Variants in ERBIN observed in about 807,000 individuals in gnomAD.
The protein encoded by ERBIN is densin-180-like protein.
A neutral mutation model predicts 158.4 loss-of-function variants in ERBIN; 60 were observed. That is an observed-to-expected ratio of 0.38 (90% confidence interval 0.31 to 0.47). The LOEUF (loss-of-function observed/expected upper bound fraction) is 0.47, where lower values mean the gene tolerates loss of function less well. Among genes scored for constraint, ERBIN ranks in the 20% least tolerant of loss-of-function variants. The pLI, the probability that ERBIN is intolerant of heterozygous loss-of-function variation, is 0.99. For synonymous variants in ERBIN, 594 were observed against 557.2 expected, an observed-to-expected ratio of 1.07 and a Z score of -0.93; for missense variants, 1,610 against 1,648.0, an observed-to-expected ratio of 0.98 and a Z score of 0.40.
intron 1 of ERBIN, among the ~76,000 whole-genome samples, chr5:65,965,702 T>A (rs578109741): frequency 1.3e-5 from 2 of 152,126 alleles, no homozygotes; most frequent in Admixed American, 6.6e-5. Flanking sequence ...CCCATTCTTA[T>A]CAGATTTAAC....
chr5:66,076,600 A>G (rs1762006412), intron 24 of ERBIN, 192 bp downstream of exon 24: 2 of 606,596 alleles, frequency 3.3e-6, no homozygotes, highest in Admixed American at 3.5e-5. Flanking sequence ...ACCAAAAACT[A>G]TGAATGTTTA....
intron 1 of ERBIN, among the ~76,000 whole-genome samples, chr5:65,946,329 A>C (rs978097969): frequency 2.0e-5 from 3 of 152,110 alleles, no homozygotes; most frequent in African/African-American, 7.2e-5. Flanking sequence ...ACACCACTGC[A>C]CTCCAGCCTG....
chr5:65,976,615 A>T (rs1749898453), intron 1 of ERBIN, among the ~76,000 whole-genome samples: 1 of 151,168 alleles, frequency 6.6e-6, no homozygotes, highest in Non-Finnish European at 1.5e-5. Context: ...GTCAGCAGAT[A>T]AACAAGTGAA....
intron 1 of ERBIN, among the ~76,000 whole-genome samples, chr5:65,941,490 T>C (rs960809205): frequency 3.9e-5 from 6 of 152,124 alleles, no homozygotes; most frequent in African/African-American, 1.4e-4. Flanking sequence ...ACTTGGAGCA[T>C]CCTCAGATTT....
chr5:66,023,426 A>G, intron 9 of ERBIN, 62 bp downstream of exon 9: 1 of 998,618 alleles, frequency 1.0e-6, no homozygotes, highest in Non-Finnish European at 1.5e-6. Context: ...AGTTTTGTGA[A>G]TTGTACCTTT....
At chr5:65,933,501 C>G (rs1173168044) in intron 1 of ERBIN, among the ~76,000 whole-genome samples, 1 of 152,198 alleles carries the variant, frequency 6.6e-6, no homozygotes, top group African/African-American at 2.4e-5. Context: ...AGTGTCACAT[C>G]TCCTACATAC....
In ERBIN at chr5:66,031,389, A is replaced by G. The variant is rs185001545; in HGVS notation, c.1206+3046A>G. On this transcript the variant is annotated intron_variant, in intron 14 of 25. Coordinates refer to ENST00000284037, the MANE Select transcript of ERBIN (RefSeq NM_001253697.2). ...TTTGTGCCAGGCAATTTAAGGTGGG[A>G]ACAATATTTAGAAAGTTACTTTAAT... 2.0e-5 allele frequency among the ~76,000 whole-genome samples: 3 copies of G among 152,312 alleles called. No individual in the cohort carries two copies. In the East Asian group the frequency reaches 5.8e-4, roughly 29 times the overall value.
intron 1 of ERBIN, among the ~76,000 whole-genome samples, chr5:65,942,035 T>C (rs1745116342): frequency 6.6e-6 from 1 of 151,848 alleles, no homozygotes. Context: ...CCACTGCGTC[T>C]GGCCCTCTTT....
rs1561381146 is a variant in ERBIN, at chr5:66,018,546, T to TTATATAA, written c.534-2770_534-2769insATATATA. Among the ~76,000 whole-genome samples, 33 of 8,564 alleles carry TTATATAA rather than the reference T, an allele frequency of 3.9e-3. 4 individuals carry two copies. Among genetic ancestry groups the TTATATAA allele is most frequent in the Non-Finnish European group, 7.7e-3 (14 of 1,818 alleles). 5.6% of individuals were successfully genotyped at this position (8,564 alleles called of 152,430 possible). A position where few individuals can be genotyped will look rare whatever the true frequency, so the allele number is the denominator to read the frequency against. ...TATATATTATATTATATAATATATA[T>TTATATAA]TATATATTATATAATATATATTATA... On this transcript the variant is annotated intron_variant, in intron 7 of 25. Transcript: ENST00000284037.
At chr5:65,927,693 C>A (rs55700230) in intron 1 of ERBIN, among the ~76,000 whole-genome samples, 6,445 of 152,224 alleles carry the variant, frequency 0.042, 465 homozygotes, top group African/African-American at 0.15. Flanking sequence ...GTAGTATGGT[C>A]TTTACATTTT....
chr5:65,982,226 CAGG>C (rs1409914313), intron 1 of ERBIN, among the ~76,000 whole-genome samples: 1 of 152,176 alleles, frequency 6.6e-6, no homozygotes, highest in African/African-American at 2.4e-5. Flanking sequence ...GTGTACGTTA[CAGG>C]AGAAGAACCC....
At chr5:65,970,988 G>T (rs1374273213) in intron 1 of ERBIN, among the ~76,000 whole-genome samples, 1 of 152,068 alleles carries the variant, frequency 6.6e-6, no homozygotes, top group Non-Finnish European at 1.5e-5. Flanking sequence ...TTTTCTTTCT[G>T]ACATATTTGT....
intron 1 of ERBIN, among the ~76,000 whole-genome samples, chr5:65,946,413 C>T (rs1745753642): frequency 6.6e-6 from 1 of 152,098 alleles, no homozygotes; most frequent in Non-Finnish European, 1.5e-5. Context: ...TAGTACATGA[C>T]TTTTGGGATT....
In ERBIN at chr5:66,048,760, G is replaced by A. The variant is rs1446681821; in HGVS notation, c.1882G>A (p.Ala628Thr). Residue 628 changes from alanine to threonine, a missense_variant, in exon 19 of 26, where the codon GCA becomes ACA. Physicochemically the swap from Ala to Thr is moderately conservative, Grantham distance 58. Coordinates refer to ENST00000284037, the MANE Select transcript of ERBIN (RefSeq NM_001253697.2). Reference protein sequence around the residue: ...ETSINQPKVVALSNNKKDDTK... With the variant: ...ETSINQPKVVTLSNNKKDDTK... ...CTCTATTAACCAGCCAAAAGTCGTA[G>A]CACTTAGTAATAACAAAAAAGGTTA... 2 of 1,599,880 alleles carry A rather than the reference G, an allele frequency of 1.3e-6. No individual in the cohort carries two copies.
chr5:66,069,904 C>T (rs539421792), intron 21 of ERBIN, among the ~76,000 whole-genome samples: 1 of 152,166 alleles, frequency 6.6e-6, no homozygotes, highest in Non-Finnish European at 1.5e-5. Context: ...GGAGCAATCT[C>T]CTGGATTCTC....
intron 1 of ERBIN, among the ~76,000 whole-genome samples, chr5:65,950,128 C>G (rs978882753): frequency 2.0e-5 from 3 of 152,182 alleles, no homozygotes; most frequent in African/African-American, 7.2e-5. Context: ...GCCTCGGCCT[C>G]TTGAGTAGCT....
intron 1 of ERBIN, among the ~76,000 whole-genome samples, chr5:65,937,497 T>A (rs2150861723): frequency 6.6e-6 from 1 of 152,352 alleles, no homozygotes; most frequent in East Asian, 1.9e-4. Flanking sequence ...TTTATGATAC[T>A]ATGCTATTTT....
At chr5:65,940,917 CA>C (rs1413824133) in intron 1 of ERBIN, among the ~76,000 whole-genome samples, 2 of 152,108 alleles carry the variant, frequency 1.3e-5, no homozygotes, top group African/African-American at 4.8e-5. Flanking sequence ...GGATGGTTGC[CA>C]TGTCTGTGTA....
rs755750963 is a variant in ERBIN, at chr5:66,072,123, A to G, written c.3634-46A>G. 303 of 1,530,264 alleles carry G rather than the reference A, an allele frequency of 2.0e-4. 2 individuals are homozygous for G. The highest frequency in any genetic ancestry group is 3.4e-4 in the Middle Eastern group (2 of 5,936). The allele number at this position is 1,530,264 out of a possible 1,614,324, so 94.8% of individuals were successfully genotyped here. A position where few individuals can be genotyped will look rare whatever the true frequency, so the allele number is the denominator to read the frequency against. ...TCAAGTGTCATCCTCTTGGTTTCAC[A>G]TCTTAAAGAACATTATTTGTTTACT... On this transcript the variant is annotated intron_variant, in intron 21 of 25. Coordinates refer to ENST00000284037, the MANE Select transcript of ERBIN (RefSeq NM_001253697.2).
Sources: allele counts gnomAD v4.1 joint callset (sites outside exome capture counted in the v4.1 genomes callset), GRCh38; gene constraint gnomAD v4.1.1; transcripts MANE v1.5; gene names NCBI Gene and HGNC (gene_info 2026-07-23, HGNC 2026-07-21).